SGCZ: variants seen among roughly 807,000 people sequenced by gnomAD.
The protein encoded by SGCZ is zeta-sarcoglycan.
A neutral mutation model predicts 41.3 loss-of-function variants in SGCZ; 40 were observed. The observed-to-expected ratio is 0.97, with a 90% CI of 0.75 to 1.26. The LOEUF (loss-of-function observed/expected upper bound fraction) is 1.26. Ranked by LOEUF, SGCZ falls within the 50% of genes most tolerant of loss-of-function variation. SGCZ has a pLI of 0.00. For synonymous variants in SGCZ, 206 were observed against 137.5 expected (o/e 1.50, Z -3.49); for missense variants, 552 against 369.8 (o/e 1.49, Z -4.04).
intron 1 of SGCZ, among the ~76,000 whole-genome samples, chr8:15,092,403 T>A (rs1329073772): frequency 6.6e-6 from 1 of 152,226 alleles, no homozygotes. Flanking sequence ...TTATTACTAC[T>A]GCTATTTTAA....
chr8:14,358,915 A>G (rs989146477), intron 2 of SGCZ, among the ~76,000 whole-genome samples: 1 of 152,150 alleles, frequency 6.6e-6, no homozygotes, highest in Non-Finnish European at 1.5e-5. Flanking sequence ...GGCCAGGTAT[A>G]GTATTCTTTA....
At chr8:15,018,952 G>C (rs532996050) in intron 1 of SGCZ, among the ~76,000 whole-genome samples, 1 of 152,170 alleles carries the variant, frequency 6.6e-6, no homozygotes, top group South Asian at 2.1e-4. Flanking sequence ...AAGGTGAAGA[G>C]GAAGAAGGGA....
At chr8:14,566,747 C>T (rs868490743) in intron 1 of SGCZ, among the ~76,000 whole-genome samples, 37 of 152,352 alleles carry the variant, frequency 2.4e-4, no homozygotes, top group African/African-American at 8.2e-4. Context: ...TTCAGCCCGC[C>T]GCTGCACTGT....
chr8:14,226,025 T>G (rs2054418), intron 4 of SGCZ, among the ~76,000 whole-genome samples: 95,996 of 151,782 alleles, frequency 0.63, 30,711 homozygotes, highest in South Asian at 0.77. Context: ...AGGACGATGG[T>G]ATAAGTGATA....
chr8:14,915,207 G>A (rs909996270), intron 1 of SGCZ, among the ~76,000 whole-genome samples: 2 of 152,028 alleles, frequency 1.3e-5, no homozygotes, highest in Non-Finnish European at 2.9e-5. Context: ...AAATATACCT[G>A]TAAATTCAAT....
intron 2 of SGCZ, among the ~76,000 whole-genome samples, chr8:14,333,776 C>T (rs942627388): frequency 3.9e-5 from 6 of 151,978 alleles, no homozygotes; most frequent in African/African-American, 1.2e-4. Flanking sequence ...CAGGGAAATA[C>T]AGGGATGAAT....
chr8:14,516,041 GATT>G (rs1802610322), intron 2 of SGCZ, among the ~76,000 whole-genome samples: 1 of 151,716 alleles, frequency 6.6e-6, no homozygotes, highest in Non-Finnish European at 1.5e-5. Flanking sequence ...CTGTCTCATG[GATT>G]ATTGTTAGAC....
chr8:15,208,583 T>C (rs1327683439), intron 1 of SGCZ, among the ~76,000 whole-genome samples: 1 of 152,198 alleles, frequency 6.6e-6, no homozygotes, highest in Non-Finnish European at 1.5e-5. Context: ...CTGTGAATGA[T>C]AATTATCTCA....
At chr8:15,189,508 C>T (rs955784171) in intron 1 of SGCZ, among the ~76,000 whole-genome samples, 1 of 152,046 alleles carries the variant, frequency 6.6e-6, no homozygotes, top group African/African-American at 2.4e-5. Flanking sequence ...TCTCATCACG[C>T]TCAAGGGACT....
chr8:14,179,247 T>A (rs1307081270), intron 4 of SGCZ, among the ~76,000 whole-genome samples: 1 of 152,204 alleles, frequency 6.6e-6, no homozygotes, highest in Admixed American at 6.5e-5. Context: ...CGGGAAATTA[T>A]CATAACCTAA....
At chr8:14,257,736 G>C (rs1043887423) in intron 3 of SGCZ, among the ~76,000 whole-genome samples, 3 of 151,070 alleles carry the variant, frequency 2.0e-5, no homozygotes, top group East Asian at 2.0e-4. Flanking sequence ...TGTGGTGTTT[G>C]GTTTTTTGTC....
chr8:14,983,842 G>T (rs746126452), intron 1 of SGCZ, among the ~76,000 whole-genome samples: 2 of 152,082 alleles, frequency 1.3e-5, no homozygotes, highest in Non-Finnish European at 1.5e-5. Context: ...AAGCCCAACT[G>T]CATTCTATAT....
intron 3 of SGCZ, among the ~76,000 whole-genome samples, chr8:14,249,636 C>T (rs1476674333): frequency 6.6e-6 from 1 of 152,070 alleles, no homozygotes; most frequent in Non-Finnish European, 1.5e-5. Flanking sequence ...GAAGGCAATA[C>T]TGCAGGAGAA....
chr8:14,211,621 A>C (rs1805809093), intron 4 of SGCZ, among the ~76,000 whole-genome samples: 1 of 151,980 alleles, frequency 6.6e-6, no homozygotes, highest in Admixed American at 6.6e-5. Context: ...GCTGAAGGGC[A>C]GGGAAGCACG....
intron 3 of SGCZ, among the ~76,000 whole-genome samples, chr8:14,300,663 G>C (rs1197386202): frequency 2.0e-5 from 3 of 151,996 alleles, no homozygotes; most frequent in Non-Finnish European, 4.4e-5. Flanking sequence ...TATGAGAATG[G>C]TGGTCGTATG....
At chr8:14,830,806 C>A (rs993349446) in intron 1 of SGCZ, among the ~76,000 whole-genome samples, 7 of 151,926 alleles carry the variant, frequency 4.6e-5, no homozygotes, top group African/African-American at 1.7e-4. Context: ...CAAGCTCTCT[C>A]GGTATGCAAT....
chr8:14,090,351 C>T lies in SGCZ; in HGVS notation c.*92G>A. 4 of 1,401,690 alleles carry T rather than the reference C, an allele frequency of 2.9e-6. No homozygotes were observed. Among genetic ancestry groups the T allele is most frequent in the Non-Finnish European group, 3.9e-6 (4 of 1,031,278 alleles). The allele number at this position is 1,401,690 out of a possible 1,614,324, so 86.8% of individuals were successfully genotyped here. A position where few individuals can be genotyped will look rare whatever the true frequency, so the allele number is the denominator to read the frequency against. ...TTGCTCTGTGGACCATTCGAAGAAG[C>T]TCTGGACTGATCACAAGGGAAACCG... On this transcript the variant is annotated 3_prime_UTR_variant, in exon 8 of 8. Coordinates refer to ENST00000382080, the MANE Select transcript of SGCZ (RefSeq NM_139167.4).
chr8:14,462,642 C>A (rs532704184), intron 2 of SGCZ, among the ~76,000 whole-genome samples: 2 of 152,032 alleles, frequency 1.3e-5, no homozygotes, highest in South Asian at 4.1e-4. Flanking sequence ...GTTTTGAAAC[C>A]GGGAAGTATG....
chr8:14,543,078 T>C (rs1159796820), intron 2 of SGCZ, among the ~76,000 whole-genome samples: 1 of 151,940 alleles, frequency 6.6e-6, no homozygotes, highest in Non-Finnish European at 1.5e-5. Context: ...CTGTTCTGCT[T>C]GGATATTTTA....
Sources: gnomAD v4.1 joint callset for allele counts (sites outside exome capture counted in the v4.1 genomes callset) on GRCh38, gnomAD v4.1.1 for gene constraint, MANE v1.5 for transcripts, NCBI Gene and HGNC (gene_info 2026-07-23, HGNC 2026-07-21) for gene names.